The following PDE4D variants were observed in gnomAD, a reference collection of about 807,000 sequenced individuals.
The protein encoded by PDE4D is phosphodiesterase 4D, also known as 3',5'-cyclic-AMP phosphodiesterase 4D.
In PDE4D, 24 loss-of-function variants were observed where a neutral mutation model predicts 87.4. That is an observed-to-expected ratio of 0.27 (90% CI 0.20 to 0.39). The LOEUF (loss-of-function observed/expected upper bound fraction) is 0.39, where lower values mean the gene tolerates loss of function less well. Among genes scored for constraint, PDE4D ranks in the 10% least tolerant of loss-of-function variants. The pLI is 1.00. For missense variants in PDE4D, 714 were observed against 1,041.0 expected (o/e 0.69, Z 4.32); for synonymous variants, 384 against 383.2 (o/e 1.00, Z -0.02).
chr5:59,081,090 T>C (rs2153423472), intron 5 of PDE4D, among the ~76,000 whole-genome samples: 1 of 152,254 alleles, frequency 6.6e-6, no homozygotes, highest in South Asian at 2.1e-4. Flanking sequence ...ACCAGAACAA[T>C]GAGGAAAGAG....
intron 1 of PDE4D, among the ~76,000 whole-genome samples, chr5:60,337,388 T>TATATATACACACACACAC (rs66871903): frequency 2.2e-5 from 2 of 89,472 alleles, no homozygotes; most frequent in African/African-American, 8.5e-5. Context: ...TATATATATA[T>TATATATACACACACACAC]ACACACACAC....
chr5:59,012,971 A>T (rs1753142674), intron 6 of PDE4D, among the ~76,000 whole-genome samples: 1 of 152,250 alleles, frequency 6.6e-6, no homozygotes, highest in East Asian at 1.9e-4. Context: ...CCACAGTGCA[A>T]AGTAGAAGTT....
intron 1 of PDE4D, among the ~76,000 whole-genome samples, chr5:59,318,703 G>A (rs1581930814): frequency 6.6e-6 from 1 of 152,076 alleles, no homozygotes; most frequent in African/African-American, 2.4e-5. Flanking sequence ...ATTGTGTTAC[G>A]GTGGTAGAAT....
intron 8 of PDE4D, 74 bp downstream of exon 8, chr5:58,991,758 A>G (rs1747978108): frequency 1.0e-6 from 1 of 992,486 alleles, no homozygotes; most frequent in Non-Finnish European, 1.4e-6. Flanking sequence ...CTATCCATTT[A>G]AAAGACTAGA....
chr5:60,152,105 C>A lies in PDE4D; in HGVS notation c.42+33452G>T, dbSNP rs115501093. On this transcript the variant is annotated intron_variant, in intron 2 of 16. Transcript: ENST00000502484. ...ATTCCAGGGATAAATCTCACTTGAT[C>A]ATAGTATATCATCCTTTTAGTATTT... Among the ~76,000 whole-genome samples, 492 of 152,278 alleles carry A rather than the reference C, an allele frequency of 3.2e-3. 2 individuals carry two copies. The highest frequency in any genetic ancestry group is 0.012 in the African/African-American group (478 of 41,554).
At chr5:59,439,178 G>A (rs947356419) in intron 1 of PDE4D, among the ~76,000 whole-genome samples, 2 of 152,010 alleles carry the variant, frequency 1.3e-5, no homozygotes, top group African/African-American at 4.8e-5. Flanking sequence ...GACCACCATG[G>A]TGAAACCTCG....
At chr5:60,069,251 A>G (rs61099545) in intron 2 of PDE4D, among the ~76,000 whole-genome samples, 3 of 151,930 alleles carry the variant, frequency 2.0e-5, no homozygotes, top group Non-Finnish European at 2.9e-5. Flanking sequence ...ACGGGGACTT[A>G]CAGAGATGAT....
chr5:59,024,200 C>CTTTTTT (rs566593585), intron 6 of PDE4D, among the ~76,000 whole-genome samples: 1 of 114,858 alleles, frequency 8.7e-6, no homozygotes, highest in African/African-American at 3.4e-5. Context: ...CTGAATTCTA[C>CTTTTTT]TTTTTTTTTT....
chr5:60,218,193 A>T (rs756239703), intron 1 of PDE4D, among the ~76,000 whole-genome samples: 15 of 152,088 alleles, frequency 9.9e-5, no homozygotes, highest in Non-Finnish European at 1.9e-4. Context: ...GCTAATGATT[A>T]TTTATTATAC....
At chr5:59,159,576 G>A (rs1559251) in intron 5 of PDE4D, among the ~76,000 whole-genome samples, 113,785 of 152,026 alleles carry the variant, frequency 0.75, 43,069 homozygotes, top group African/African-American at 0.84. Context: ...GTACAGTGAC[G>A]ACTTACTTAT....
chr5:59,324,750 C>T (rs1386813619), intron 1 of PDE4D, among the ~76,000 whole-genome samples: 5 of 152,082 alleles, frequency 3.3e-5, no homozygotes, highest in Non-Finnish European at 5.9e-5. Context: ...GAGCCTCCCA[C>T]CTCAGGATGG....
intron 1 of PDE4D, among the ~76,000 whole-genome samples, chr5:59,701,585 G>C (rs1752572473): frequency 6.6e-6 from 1 of 152,182 alleles, no homozygotes. Flanking sequence ...TAGAATTCAA[G>C]AATGAGTGTG....
intron 1 of PDE4D, among the ~76,000 whole-genome samples, chr5:59,886,536 AT>A (rs774917409): frequency 6.6e-6 from 1 of 152,048 alleles, no homozygotes; most frequent in Non-Finnish European, 1.5e-5. Flanking sequence ...AAATAAAAAA[AT>A]AAAGAAAAGA....
At chr5:59,456,722 T>C (rs1237761086) in intron 1 of PDE4D, among the ~76,000 whole-genome samples, 1 of 152,126 alleles carries the variant, frequency 6.6e-6, no homozygotes, top group Non-Finnish European at 1.5e-5. Context: ...ATTAAGAACA[T>C]TCATGATTCA....
chr5:59,386,796 T>C (rs1298766977), intron 1 of PDE4D, among the ~76,000 whole-genome samples: 2 of 152,166 alleles, frequency 1.3e-5, no homozygotes, highest in Admixed American at 1.3e-4. Context: ...AGTTTTATAC[T>C]AATCACAGGG....
intron 2 of PDE4D, among the ~76,000 whole-genome samples, chr5:59,200,019 AC>A (rs199885052): frequency 4.1e-3 from 514 of 126,072 alleles, no homozygotes; most frequent in African/African-American, 0.012. Context: ...ACATACATGC[AC>A]ATATACATAC....
chr5:60,206,964 A>C (rs1742608996), intron 1 of PDE4D, among the ~76,000 whole-genome samples: 1 of 152,264 alleles, frequency 6.6e-6, no homozygotes, highest in African/African-American at 2.4e-5. Flanking sequence ...TGATAAGTTC[A>C]AAAGTAATTA....
intron 1 of PDE4D, among the ~76,000 whole-genome samples, chr5:60,452,707 G>C (rs1448686439): frequency 1.3e-5 from 2 of 152,006 alleles, no homozygotes; most frequent in East Asian, 3.9e-4. Context: ...ATGGAAAAGG[G>C]AACATTTCTT....
At chr5:59,525,489 G>A (rs1812937449) in intron 1 of PDE4D, among the ~76,000 whole-genome samples, 1 of 152,200 alleles carries the variant, frequency 6.6e-6, no homozygotes, top group Admixed American at 6.5e-5. Flanking sequence ...ATAGACAGAA[G>A]GGACTTGCCT....
Sources: gnomAD v4.1 joint callset for allele counts (sites outside exome capture counted in the v4.1 genomes callset) on GRCh38, gnomAD v4.1.1 for gene constraint, MANE v1.5 for transcripts, NCBI Gene and HGNC (gene_info 2026-07-23, HGNC 2026-07-21) for gene names.